Variants in TTC28 observed in about 807,000 individuals in gnomAD.
The protein encoded by TTC28 is tetratricopeptide repeat domain 28, also known as tetratricopeptide repeat protein 28.
A neutral mutation model predicts 198.0 loss-of-function variants in TTC28; 61 were observed. The ratio of observed to expected loss-of-function variants is 0.31; its 90% CI spans 0.25 to 0.38. TTC28 has a LOEUF of 0.38. TTC28 is among the 10% of genes least tolerant of loss of function. The probability of loss-of-function intolerance (pLI) is 1.00; values close to 1 mark genes in which losing one functional copy is unlikely to be tolerated. For missense variants in TTC28, 2,678 were observed against 3,164.0 expected, an observed-to-expected ratio of 0.85 and a Z score of 3.69; for synonymous variants, 1,171 against 1,297.8, an observed-to-expected ratio of 0.90 and a Z score of 2.10.
chr22:28,284,583 C>T (rs1199267373), intron 5 of TTC28, among the ~76,000 whole-genome samples: 5 of 152,116 alleles, frequency 3.3e-5, no homozygotes, highest in African/African-American at 1.2e-4. Flanking sequence ...AAAAGGCAAT[C>T]TACGGAATGG....
chr22:28,057,671 C>T lies in TTC28; in HGVS notation c.3933-27305G>A, dbSNP rs770130030. ...GCTATTGCTTTTTATGACCTGCCTACCTCTAAGTCAGAAATATTCTCTTCC... is the reference window on the plus strand; with the variant it reads ...GCTATTGCTTTTTATGACCTGCCTATCTCTAAGTCAGAAATATTCTCTTCC... On this transcript the variant is annotated intron_variant, in intron 12 of 22. Transcript: ENST00000397906. 4.6e-5 allele frequency among the ~76,000 whole-genome samples: 7 copies of T among 151,942 alleles called. No homozygotes were observed. The South Asian group carries it at 6.2e-4, about 14-fold the overall frequency.
At position 27,990,015 on chromosome 22, in the gene TTC28, AG is replaced by A; in HGVS notation, c.5578-9del. On this transcript the variant is annotated splice_polypyrimidine_tract_variant and intron_variant, in intron 20 of 22. Coordinates refer to ENST00000397906, the MANE Select transcript of TTC28 (RefSeq NM_001145418.2). The stretch of plus-strand genomic sequence containing the variant: ...AACCAGCACCTGGTGGAGCTGAGGA[AG>A]GGGGGACAGCGTGAGCACCCTGTGT... 1 of 1,549,322 alleles carries A rather than the reference AG, an allele frequency of 6.5e-7. No individual in the cohort carries two copies. Among genetic ancestry groups the A allele is most frequent in the Non-Finnish European group, 8.7e-7 (1 of 1,145,600 alleles).
rs571797665 is a variant in TTC28 at position 28,342,142 on chromosome 22, T to A, written c.382-35499A>T. Among the ~76,000 whole-genome samples, 3 of 152,370 alleles carry A rather than the reference T, an allele frequency of 2.0e-5. No homozygotes were observed. The East Asian group carries it at 5.8e-4, about 29-fold the overall frequency. ...TTTTTGTGTTAAATTTCCTAATTGA[T>A]ACATGTGGTCTGGGTTAGGAAACTA... is the stretch of plus-strand genomic sequence containing the variant. On this transcript the variant is annotated intron_variant, in intron 2 of 22. Coordinates refer to ENST00000397906, the MANE Select transcript of TTC28 (RefSeq NM_001145418.2).
chr22:28,343,827 A>C (rs2045868895), intron 2 of TTC28, among the ~76,000 whole-genome samples: 1 of 152,228 alleles, frequency 6.6e-6, no homozygotes, highest in Non-Finnish European at 1.5e-5. Flanking sequence ...TTTTAAAATT[A>C]CATGAATAGT....
intron 1 of TTC28, among the ~76,000 whole-genome samples, chr22:28,650,201 A>T (rs1398123380): frequency 6.6e-6 from 1 of 152,170 alleles, no homozygotes; most frequent in Non-Finnish European, 1.5e-5. Flanking sequence ...TGCTGAAATG[A>T]ATTTCTAAAT....
At chr22:28,363,070 A>G (rs2046184199) in intron 2 of TTC28, among the ~76,000 whole-genome samples, 1 of 152,194 alleles carries the variant, frequency 6.6e-6, no homozygotes, top group Non-Finnish European at 1.5e-5. Flanking sequence ...GTTAATCCCC[A>G]AGACAATGGG....
chr22:28,663,337 C>G (rs1376206126), intron 1 of TTC28, among the ~76,000 whole-genome samples: 1 of 147,800 alleles, frequency 6.8e-6, no homozygotes, highest in Admixed American at 6.7e-5. Flanking sequence ...CAGCTCCCAG[C>G]GTGAGCGACA....
chr22:28,238,845 G>C (rs561394346), intron 5 of TTC28, among the ~76,000 whole-genome samples: 27 of 152,234 alleles, frequency 1.8e-4, no homozygotes, highest in African/African-American at 6.0e-4. Flanking sequence ...CTCACATATA[G>C]ATTTCTGGAG....
At chr22:28,586,073 G>A (rs1473681304) in intron 2 of TTC28, among the ~76,000 whole-genome samples, 1 of 151,918 alleles carries the variant, frequency 6.6e-6, no homozygotes, top group East Asian at 1.9e-4. Context: ...GAGGTCAGGA[G>A]ATTGAGACCA....
chr22:28,108,768 C>T (rs11912165), intron 6 of TTC28, among the ~76,000 whole-genome samples: 5,681 of 152,228 alleles, frequency 0.037, 185 homozygotes, highest in East Asian at 0.13. Flanking sequence ...ATGAAGATCC[C>T]AATTTACTAA....
chr22:28,020,090 A>G (rs534288047), intron 13 of TTC28, among the ~76,000 whole-genome samples: 10 of 152,332 alleles, frequency 6.6e-5, no homozygotes, highest in African/African-American at 2.2e-4. Flanking sequence ...TTGGCAGGAT[A>G]GGGGCTTTTG....
In TTC28 at chr22:27,990,988, C is replaced by T. The variant is rs186035555; in HGVS notation, c.5554-176G>A. Among the ~76,000 whole-genome samples the T allele has an allele frequency of 2.9e-3, 434 of 152,254 alleles. 1 individual carries two copies. Among genetic ancestry groups the T allele is most frequent in the Non-Finnish European group, 4.7e-3 (318 of 67,992 alleles). On this transcript the variant is annotated intron_variant, in intron 19 of 22. Coordinates refer to ENST00000397906, the MANE Select transcript of TTC28 (RefSeq NM_001145418.2). The stretch of plus-strand genomic sequence containing the variant: ...AGTCAGCAGGGGACACACAGGAGAA[C>T]GGACAGCCACACCCAGGCCAGCCGC...
At chr22:28,399,428 C>T (rs1419089030) in intron 2 of TTC28, among the ~76,000 whole-genome samples, 1 of 151,546 alleles carries the variant, frequency 6.6e-6, no homozygotes, top group East Asian at 1.9e-4. Flanking sequence ...GTAATCCTCC[C>T]TCCCATCTCA....
At chr22:28,317,956 C>T (rs2045378480) in intron 2 of TTC28, among the ~76,000 whole-genome samples, 2 of 152,002 alleles carry the variant, frequency 1.3e-5, no homozygotes, top group African/African-American at 2.4e-5. Flanking sequence ...CAGGCTGGAG[C>T]ACAGTGGTGT....
chr22:28,115,252 C>T (rs1420774357), intron 6 of TTC28, among the ~76,000 whole-genome samples: 1 of 152,118 alleles, frequency 6.6e-6, no homozygotes, highest in Non-Finnish European at 1.5e-5. Context: ...CCATGACCTC[C>T]CGGGCTCAAG....
intron 12 of TTC28, among the ~76,000 whole-genome samples, chr22:28,036,448 T>G (rs1416238909): frequency 6.6e-6 from 1 of 152,100 alleles, no homozygotes; most frequent in East Asian, 1.9e-4. Context: ...AAGGCAGAAA[T>G]AAAGACGTTC....
At chr22:28,539,405 T>G (rs555688738) in intron 2 of TTC28, among the ~76,000 whole-genome samples, 67 of 152,080 alleles carry the variant, frequency 4.4e-4, no homozygotes, top group Non-Finnish European at 8.1e-4. Flanking sequence ...GAGGCCAAGG[T>G]GGGTGGATCG....
At chr22:28,042,840 G>A (rs1463985751) in intron 12 of TTC28, among the ~76,000 whole-genome samples, 4 of 152,162 alleles carry the variant, frequency 2.6e-5, no homozygotes, top group Admixed American at 6.5e-5. Flanking sequence ...ACAGAGAAGC[G>A]ATGTGAGTCT....
In TTC28 at chr22:28,320,371, T is replaced by C. The variant is rs141481904; in HGVS notation, c.382-13728A>G. Among the ~76,000 whole-genome samples the C allele has an allele frequency of 5.9e-5, 9 of 152,078 alleles. No homozygotes were observed. In the East Asian group the frequency reaches 1.7e-3, roughly 29 times the overall value. On this transcript the variant is annotated intron_variant, in intron 2 of 22. Coordinates refer to ENST00000397906, the MANE Select transcript of TTC28 (RefSeq NM_001145418.2). The stretch of plus-strand genomic sequence containing the variant: ...ACCATTGCTCTAGGGGACTGCAAAC[T>C]TCTTTCATTGTTTATGTTTTAAGTT...
Sources: gnomAD v4.1 joint callset for allele counts (sites outside exome capture counted in the v4.1 genomes callset) on GRCh38, gnomAD v4.1.1 for gene constraint, MANE v1.5 for transcripts, NCBI Gene and HGNC (gene_info 2026-07-23, HGNC 2026-07-21) for gene names.